Variants in S100A7A observed in about 807,000 individuals in gnomAD.
S100A7A encodes the protein S100 calcium binding protein A7A.
S100A7A carries 5 observed loss-of-function variants against 4.0 expected under a neutral mutation model. The ratio of observed to expected loss-of-function variants is 1.26; its 90% CI spans 0.66 to 2.66. S100A7A has a LOEUF of 2.66. Ranked by LOEUF, S100A7A falls within the 30% of genes most tolerant of loss-of-function variation. S100A7A has a pLI of 0.01. For missense variants in S100A7A, 159 were observed against 125.1 expected, an observed-to-expected ratio of 1.27 and a Z score of -1.29; for synonymous variants, 52 against 46.4, an observed-to-expected ratio of 1.12 and a Z score of -0.49.
rs918587950 is a variant in S100A7A, at chr1:153,421,561, C to G, written c.*2252C>G. On this transcript the variant is annotated 3_prime_UTR_variant, in exon 3 of 3. Coordinates refer to ENST00000368729, the MANE Select transcript of S100A7A (RefSeq NM_176823.4). ...ACAGCAGTGTAAAATCCAAAAACTTCCAGTCCTGGAGGCAGGTTGTGCAGC... is the reference window on the plus strand; with the variant it reads ...ACAGCAGTGTAAAATCCAAAAACTTGCAGTCCTGGAGGCAGGTTGTGCAGC... 2.6e-5 allele frequency: 4 copies of G among 152,210 alleles called. No individual in the cohort carries two copies. The highest frequency in any genetic ancestry group is 5.9e-5 in the Non-Finnish European group (4 of 68,048). 9.4% of individuals were successfully genotyped at this position (152,210 alleles called of 1,614,324 possible).
chr1:153,418,874 C>T (rs1282938152), intron 2 of S100A7A, among the ~76,000 whole-genome samples: 1 of 152,168 alleles, frequency 6.6e-6, no homozygotes, highest in Admixed American at 6.5e-5. Flanking sequence ...GGGCAGGGGA[C>T]TGCTCTCCCC....
Position 153,419,359 on chromosome 1 carries a change from C to G in S100A7A, c.*50C>G. On this transcript the variant is annotated 3_prime_UTR_variant, in exon 3 of 3. Coordinates refer to ENST00000368729, the MANE Select transcript of S100A7A (RefSeq NM_176823.4). ...GAGACCCCAGGAACAATAAGTGTCT[C>G]CTCCCACCAGACACTTGCCTTATTT... 1 of 1,545,178 alleles carries G rather than the reference C, an allele frequency of 6.5e-7. No homozygotes were observed. The highest frequency in any genetic ancestry group is 8.8e-7 in the Non-Finnish European group (1 of 1,136,568).
At chr1:153,416,619 A>G (rs1023328540) in intron 1 of S100A7A, 56 bp downstream of exon 1, 6 of 436,304 alleles carry the variant, frequency 1.4e-5, no homozygotes, top group Non-Finnish European at 2.3e-5. Flanking sequence ...CCAGCCTGCC[A>G]TGCTGCCTGT....
chr1:153,422,683 T>G lies in S100A7A; in HGVS notation c.*3374T>G, dbSNP rs1662928406. ...GCTGAATTCACTGTGACGTCACTCC[T>G]GTCTCTCTTTGCTTTCTTCTGACTG... On this transcript the variant is annotated 3_prime_UTR_variant, in exon 3 of 3. Coordinates refer to ENST00000368729, the MANE Select transcript of S100A7A (RefSeq NM_176823.4). 5.9e-6 allele frequency: 1 copy of G among 169,192 alleles called. No homozygotes were observed. Among genetic ancestry groups the G allele is most frequent in the African/African-American group, 2.4e-5 (1 of 41,746 alleles). The allele number at this position is 169,192 out of a possible 1,614,324, so 10.5% of individuals were successfully genotyped here. A position where few individuals can be genotyped will look rare whatever the true frequency, so the allele number is the denominator to read the frequency against.
Position 153,419,372 on chromosome 1 carries a change from A to C in S100A7A, c.*63A>C. 1.3e-6 allele frequency: 2 copies of C among 1,519,628 alleles called. No homozygotes were observed. Among genetic ancestry groups the C allele is most frequent in the Non-Finnish European group, 1.8e-6 (2 of 1,120,962 alleles). 94.1% of individuals were successfully genotyped at this position (1,519,628 alleles called of 1,614,324 possible). ...CAATAAGTGTCTCCTCCCACCAGAC[A>C]CTTGCCTTATTTCTTCTTCTCTTTG... On this transcript the variant is annotated 3_prime_UTR_variant, in exon 3 of 3. Transcript: ENST00000368729.
rs183177834 is a variant in S100A7A at position 153,416,563 on chromosome 1, G to A, written c.-18G>A. On this transcript the variant is annotated splice_region_variant and 5_prime_UTR_variant, in exon 1 of 3. Transcript: ENST00000368729. ...TCTACTCGTGACACTTCCCAGTTCTGGTAAGTCTCACCTGCCTCTTTGCAT... is the reference window on the plus strand; with the variant it reads ...TCTACTCGTGACACTTCCCAGTTCTAGTAAGTCTCACCTGCCTCTTTGCAT... 8.2e-6 allele frequency: 4 copies of A among 485,238 alleles called. No homozygotes were observed. The highest frequency in any genetic ancestry group is 1.2e-4 in the East Asian group (2 of 16,280). The allele number at this position is 485,238 out of a possible 1,614,324, so 30.1% of individuals were successfully genotyped here.
chr1:153,417,907 A>C, intron 1 of S100A7A, 159 bp from the exon 2 acceptor site: 1 of 924,338 alleles, frequency 1.1e-6, no homozygotes, highest in South Asian at 1.8e-5. Context: ...CTACCCTCTC[A>C]TTTTTGAACA....
chr1:153,417,298 AC>A (rs1314207608), intron 1 of S100A7A: 1 of 152,198 alleles, frequency 6.6e-6, no homozygotes, highest in Non-Finnish European at 1.5e-5. Context: ...TTTTATTTAA[AC>A]AGGGTCAACC....
At chr1:153,416,770 C>A (rs1662727490) in intron 1 of S100A7A, among the ~76,000 whole-genome samples, 1 of 152,246 alleles carries the variant, frequency 6.6e-6, no homozygotes, top group South Asian at 2.1e-4. Flanking sequence ...CTGTCCATTG[C>A]TCCTTTGGGA....
In S100A7A at chr1:153,419,724, G is replaced by GCTCCTGCCCTCCCA. The variant is rs1662846200; in HGVS notation, c.*425_*438dup. The GCTCCTGCCCTCCCA allele has an allele frequency of 6.1e-6, 1 of 164,254 alleles. No individual in the cohort carries two copies. Among genetic ancestry groups the GCTCCTGCCCTCCCA allele is most frequent in the African/African-American group, 2.4e-5 (1 of 41,868 alleles). The allele number at this position is 164,254 out of a possible 1,614,324, so 10.2% of individuals were successfully genotyped here. A position where few individuals can be genotyped will look rare whatever the true frequency, so the allele number is the denominator to read the frequency against. The stretch of plus-strand genomic sequence containing the variant: ...AGAAGGAGCTGGCATCTCTCAGTGT[G>GCTCCTGCCCTCCCA]CTCCTGCCCTCCCACTCCTGCCCCA... On this transcript the variant is annotated 3_prime_UTR_variant, in exon 3 of 3. Transcript: ENST00000368729.
chr1:153,418,935 G>A (rs1662817005), intron 2 of S100A7A, among the ~76,000 whole-genome samples: 1 of 152,078 alleles, frequency 6.6e-6, no homozygotes, highest in Non-Finnish European at 1.5e-5. Flanking sequence ...CCATCCTGAG[G>A]TGTGAGACAA....
chr1:153,416,766 A>G (rs1260955861), intron 1 of S100A7A, among the ~76,000 whole-genome samples: 2 of 152,184 alleles, frequency 1.3e-5, no homozygotes, highest in Non-Finnish European at 2.9e-5. Context: ...AGACCTGTCC[A>G]TTGCTCCTTT....
intron 2 of S100A7A, among the ~76,000 whole-genome samples, chr1:153,418,705 A>G (rs895063912): frequency 2.0e-5 from 3 of 152,232 alleles, no homozygotes; most frequent in African/African-American, 7.2e-5. Flanking sequence ...GATGACCAAG[A>G]GTAGGGAACC....
rs1405337879 is a variant in S100A7A, at chr1:153,419,956, G to C, written c.*647G>C. 5 of 152,722 alleles carry C rather than the reference G, an allele frequency of 3.3e-5. No homozygotes were observed. The highest frequency in any genetic ancestry group is 1.2e-4 in the African/African-American group (5 of 41,456). The allele number at this position is 152,722 out of a possible 1,614,324, so 9.5% of individuals were successfully genotyped here. A position where few individuals can be genotyped will look rare whatever the true frequency, so the allele number is the denominator to read the frequency against. ...ATGTGCCTATGTGGGTGACCCTGTG[G>C]AAGTGAGAAGGAGTCACTGTGATGC... is the stretch of plus-strand genomic sequence containing the variant. On this transcript the variant is annotated 3_prime_UTR_variant, in exon 3 of 3. Coordinates refer to ENST00000368729, the MANE Select transcript of S100A7A (RefSeq NM_176823.4).
Position 153,420,514 on chromosome 1 carries a change from T to C in S100A7A, c.*1205T>C, listed in dbSNP as rs1662873205. On this transcript the variant is annotated 3_prime_UTR_variant, in exon 3 of 3. Transcript: ENST00000368729. The stretch of plus-strand genomic sequence containing the variant: ...AAACATCTCAAAAATTCTCTTTCCA[T>C]CCTACCAGCAGCAGTGTGTAAGATG... 6.6e-6 allele frequency: 1 copy of C among 152,308 alleles called. No homozygotes were observed. Among genetic ancestry groups the C allele is most frequent in the South Asian group, 2.1e-4 (1 of 4,826 alleles). The allele number at this position is 152,308 out of a possible 1,614,324, so 9.4% of individuals were successfully genotyped here.
At position 153,419,393 on chromosome 1, in the gene S100A7A, C is replaced by T. The variant is rs1349545811; in HGVS notation, c.*84C>T. 7.0e-6 allele frequency: 10 copies of T among 1,424,422 alleles called. No homozygotes were observed. Among genetic ancestry groups the T allele is most frequent in the East Asian group, 2.3e-5 (1 of 43,108 alleles). The allele number at this position is 1,424,422 out of a possible 1,614,324, so 88.2% of individuals were successfully genotyped here. ...AGACACTTGCCTTATTTCTTCTTCT[C>T]TTTGGTGACCTACATTGTCAAAACT... On this transcript the variant is annotated 3_prime_UTR_variant, in exon 3 of 3. Coordinates refer to ENST00000368729, the MANE Select transcript of S100A7A (RefSeq NM_176823.4).
chr1:153,418,385 G>A (rs1025096374), intron 2 of S100A7A, among the ~76,000 whole-genome samples, 162 bp downstream of exon 2: 1 of 152,186 alleles, frequency 6.6e-6, no homozygotes, highest in Non-Finnish European at 1.5e-5. Flanking sequence ...TCTAAGGATG[G>A]TAGGCGAAAA....
At position 153,423,114 on chromosome 1, in the gene S100A7A, C is replaced by A. The variant is rs973828962; in HGVS notation, c.*3805C>A. The A allele has an allele frequency of 1.3e-5, 2 of 152,142 alleles. No homozygotes were observed. Among genetic ancestry groups the A allele is most frequent in the African/African-American group, 4.8e-5 (2 of 41,442 alleles). 9.4% of individuals were successfully genotyped at this position (152,142 alleles called of 1,614,324 possible). A position where few individuals can be genotyped will look rare whatever the true frequency, so the allele number is the denominator to read the frequency against. ...GCACCAGATAAGCTTCAGTGCTCTC[C>A]TTTCTTTGGCCTTAATATTATTGGA... is the stretch of plus-strand genomic sequence containing the variant. On this transcript the variant is annotated 3_prime_UTR_variant, in exon 3 of 3. Coordinates refer to ENST00000368729, the MANE Select transcript of S100A7A (RefSeq NM_176823.4).
Position 153,422,279 on chromosome 1 carries a change from T to G in S100A7A, c.*2970T>G, listed in dbSNP as rs1662917438. On this transcript the variant is annotated 3_prime_UTR_variant, in exon 3 of 3. Transcript: ENST00000368729. ...AAAATTGATTTGATTTCATCCAATATTCCTTCGAAAGAGTGTCAAGGAATA... is the reference window on the plus strand; with the variant it reads ...AAAATTGATTTGATTTCATCCAATAGTCCTTCGAAAGAGTGTCAAGGAATA... The G allele has an allele frequency of 6.5e-6, 1 of 153,286 alleles. No homozygotes were observed. Among genetic ancestry groups the G allele is most frequent in the South Asian group, 2.1e-4 (1 of 4,844 alleles). 9.5% of individuals were successfully genotyped at this position (153,286 alleles called of 1,614,324 possible).
Sources: gnomAD v4.1 joint callset for allele counts (sites outside exome capture counted in the v4.1 genomes callset) on GRCh38, gnomAD v4.1.1 for gene constraint, MANE v1.5 for transcripts, NCBI Gene and HGNC (gene_info 2026-07-23, HGNC 2026-07-21) for gene names.